Variants in MTCH1 observed in about 807,000 individuals in gnomAD.
MTCH1 encodes mitochondrial carrier 1, also known as mitochondrial carrier homolog 1.
MTCH1 carries 23 observed loss-of-function variants against 49.3 expected under a neutral mutation model. That is an observed-to-expected ratio of 0.47 (90% CI 0.34 to 0.66). The LOEUF is 0.66. MTCH1 is among the 30% of genes least tolerant of loss of function. The probability of loss-of-function intolerance (pLI) is 0.01; values close to 1 mark genes in which losing one functional copy is unlikely to be tolerated. For synonymous variants in MTCH1, 229 were observed against 215.2 expected (o/e 1.06, Z -0.56); for missense variants, 397 against 532.1 (o/e 0.75, Z 2.50).
At chr6:36,985,830 C>T in intron 1 of MTCH1, 23 bp downstream of exon 1, 1 of 1,550,680 alleles carries the variant, frequency 6.4e-7, no homozygotes, top group Non-Finnish European at 8.7e-7. Flanking sequence ...TCCCATCTCC[C>T]TACGGCGCCT....
chr6:36,978,625 G>A lies in MTCH1; in HGVS notation c.407-14C>T, dbSNP rs757973699. The A allele has an allele frequency of 1.9e-6, 3 of 1,611,946 alleles. No individual in the cohort carries two copies. Among genetic ancestry groups the A allele is most frequent in the Non-Finnish European group, 2.5e-6 (3 of 1,178,464 alleles). On this transcript the variant is annotated splice_polypyrimidine_tract_variant and intron_variant, in intron 2 of 11. Coordinates refer to ENST00000373627, the MANE Select transcript of MTCH1 (RefSeq NM_001271641.2). ...CGATGTACTTGGCTGTAAGAAAACAGAGGTGGCAGAGGAGTCACACCCAGT... is the reference window on the plus strand; with the variant it reads ...CGATGTACTTGGCTGTAAGAAAACAAAGGTGGCAGAGGAGTCACACCCAGT...
intron 3 of MTCH1, 47 bp downstream of exon 3, chr6:36,978,458 G>A (rs759348031): frequency 6.3e-7 from 1 of 1,577,938 alleles, no homozygotes; most frequent in Non-Finnish European, 8.7e-7. Flanking sequence ...GTGGCTGGGA[G>A]TATGAGGAAA....
chr6:36,985,145 C>G (rs1397436469), intron 1 of MTCH1, among the ~76,000 whole-genome samples: 1 of 151,106 alleles, frequency 6.6e-6, no homozygotes, highest in Non-Finnish European at 1.5e-5. Flanking sequence ...AAATCCAGAG[C>G]CCCCATCTCC....
chr6:36,981,018 G>GT (rs1764065542), intron 2 of MTCH1, among the ~76,000 whole-genome samples: 1 of 152,186 alleles, frequency 6.6e-6, no homozygotes, highest in South Asian at 2.1e-4. Flanking sequence ...GCCACAGCAG[G>GT]TAAGTGGCCC....
chr6:36,977,425 T>C lies in MTCH1; in HGVS notation c.650-175A>G, dbSNP rs1483106701. ...TACACCCCATGACCACAGCATGCCA[T>C]TTCTACTGCCTGGGAAGAGCCCCAC... On this transcript the variant is annotated intron_variant, in intron 5 of 11. Transcript: ENST00000373627. This position sits in a 1 kb window ranked among gnomAD's most constrained non-coding sequence, Gnocchi z 5.4. 6.6e-6 allele frequency among the ~76,000 whole-genome samples: 1 copy of C among 152,028 alleles called. No homozygotes were observed. Among genetic ancestry groups the C allele is most frequent in the Non-Finnish European group, 1.5e-5 (1 of 67,992 alleles).
At chr6:36,985,782 A>G (rs931840730) in intron 1 of MTCH1, 71 bp downstream of exon 1, 1 of 905,120 alleles carries the variant, frequency 1.1e-6, no homozygotes, top group African/African-American at 3.4e-5. Flanking sequence ...TGCCCGCCCC[A>G]ATCCTCCAAA....
In MTCH1 at chr6:36,968,924, T is replaced by C. The variant is rs1003308950; in HGVS notation, c.1149A>G (p.Gly383=). ...SSLLFRRVSS[G]SCFALE ...CAGGTTACTCCAGGGCAAAGCATGA[T>C]CCTGATGACACCCGGCGGAAAAGCA... The change falls in exon 12 of 12, where the codon GGA becomes GGG. Residue 383 remains glycine (G), a synonymous_variant. Coordinates refer to ENST00000373627, the MANE Select transcript of MTCH1 (RefSeq NM_001271641.2). 3 of 1,613,844 alleles carry C rather than the reference T, an allele frequency of 1.9e-6. No homozygotes were observed. The highest frequency in any genetic ancestry group is 1.3e-5 in the African/African-American group (1 of 74,842).
chr6:36,981,106 A>C (rs1177407652), intron 2 of MTCH1, among the ~76,000 whole-genome samples: 1 of 152,218 alleles, frequency 6.6e-6, no homozygotes, highest in African/African-American at 2.4e-5. Flanking sequence ...TGGAGACACC[A>C]GAGTGAGTGA....
At chr6:36,973,003 C>T (rs918949656) in intron 7 of MTCH1, among the ~76,000 whole-genome samples, 8 of 152,120 alleles carry the variant, frequency 5.3e-5, no homozygotes, top group South Asian at 2.1e-4. Context: ...TGTTCTATGC[C>T]GCTTTGGATG....
chr6:36,980,656 C>T (rs1764053425), intron 2 of MTCH1, among the ~76,000 whole-genome samples: 1 of 152,200 alleles, frequency 6.6e-6, no homozygotes, highest in African/African-American at 2.4e-5. Context: ...GGCCAAGCCC[C>T]AAGTTACTCA....
rs1246585916 is a variant in MTCH1, at chr6:36,982,211, C to T, written c.322-539G>A. On this transcript the variant is annotated intron_variant, in intron 1 of 11. Transcript: ENST00000373627. This position sits in a 1 kb window ranked among gnomAD's most constrained non-coding sequence, Gnocchi z 4.1. ...CCTCCATGTCTATTCCTCCCATTCC[C>T]AGGCTTAGCAAACTGTTACCTCAAA... 4.1e-5 allele frequency among the ~76,000 whole-genome samples: 6 copies of T among 146,038 alleles called. No homozygotes were observed. Among genetic ancestry groups the T allele is most frequent in the African/African-American group, 1.5e-4 (6 of 40,692 alleles).
rs1008970055 is a variant in MTCH1 at position 36,978,751 on chromosome 6, A to ACCTG, written c.407-144_407-141dup. The ACCTG allele has an allele frequency of 2.5e-5, 16 of 630,920 alleles. No individual in the cohort carries two copies. The African/African-American group carries it at 3.0e-4, about 12-fold the overall frequency. 39.1% of individuals were successfully genotyped at this position (630,920 alleles called of 1,614,324 possible). A position where few individuals can be genotyped will look rare whatever the true frequency, so the allele number is the denominator to read the frequency against. On this transcript the variant is annotated intron_variant, in intron 2 of 11. Transcript: ENST00000373627. The stretch of plus-strand genomic sequence containing the variant: ...GCACAGAAGGTAACATCTGTCCAGG[A>ACCTG]CCTGGAAGCAGTCAGGCCCTAACCC...
At position 36,968,822 on chromosome 6, in the gene MTCH1, AGTC is replaced by A. The variant is rs765140134; in HGVS notation, c.*78_*80del. On this transcript the variant is annotated 3_prime_UTR_variant, in exon 12 of 12. Transcript: ENST00000373627. ...GCACATCTGGTTGTTGTTGGGTTGGAGTCGTCTTGCAGGTGTCCCAAGGTGGTC... is the reference window on the plus strand; with the variant it reads ...GCACATCTGGTTGTTGTTGGGTTGGAGTCTTGCAGGTGTCCCAAGGTGGTC... 1.1e-5 allele frequency: 17 copies of A among 1,595,542 alleles called. No homozygotes were observed. Among genetic ancestry groups the A allele is most frequent in the Non-Finnish European group, 1.4e-5 (16 of 1,165,542 alleles).
chr6:36,979,122 C>T (rs1002778458), intron 2 of MTCH1, among the ~76,000 whole-genome samples: 3 of 152,080 alleles, frequency 2.0e-5, no homozygotes, highest in African/African-American at 7.2e-5. Flanking sequence ...AAGAACGCCC[C>T]CTGCACATGC....
rs953002016 is a variant in MTCH1, at chr6:36,977,706, G to A, written c.592-15C>T. ...TCGTAGGAGGTCTGGAAGAGAGCAT[G>A]GGGTGGGGACTCGCCACCCTCGGCC... On this transcript the variant is annotated splice_polypyrimidine_tract_variant and intron_variant, in intron 4 of 11. Transcript: ENST00000373627. The surrounding 1 kb of genome is among the most constrained non-coding windows in gnomAD (Gnocchi z 5.4). 4 of 1,602,762 alleles carry A rather than the reference G, an allele frequency of 2.5e-6. No individual in the cohort carries two copies. The highest frequency in any genetic ancestry group is 3.4e-6 in the Non-Finnish European group (4 of 1,174,724).
intron 2 of MTCH1, among the ~76,000 whole-genome samples, chr6:36,980,526 C>A (rs1764048130): frequency 6.6e-6 from 1 of 152,232 alleles, no homozygotes; most frequent in South Asian, 2.1e-4. Context: ...CATTTCCTCA[C>A]AAGATGACAC....
chr6:36,985,323 G>A (rs1764257683), intron 1 of MTCH1, among the ~76,000 whole-genome samples: 1 of 151,090 alleles, frequency 6.6e-6, no homozygotes, highest in South Asian at 2.1e-4. Context: ...CCCACCCCAA[G>A]ACGTTTTAAA....
At chr6:36,969,432 GC>G in intron 11 of MTCH1, 1 of 1,065,012 alleles carries the variant, frequency 9.4e-7, no homozygotes, top group South Asian at 3.0e-5. Context: ...GCAAATCAAG[GC>G]CAGGAAAAGG....
chr6:36,970,767 A>T (rs1583248443), intron 8 of MTCH1, 73 bp from the exon 9 acceptor site: 2 of 1,491,890 alleles, frequency 1.3e-6, no homozygotes, highest in Non-Finnish European at 1.8e-6. Flanking sequence ...ACATGCCCTC[A>T]CCCCACCCTC....
Sources: allele counts gnomAD v4.1 joint callset (sites outside exome capture counted in the v4.1 genomes callset), GRCh38; gene constraint gnomAD v4.1.1; non-coding constraint Gnocchi (gnomAD v3.1); transcripts MANE v1.5; gene names NCBI Gene and HGNC (gene_info 2026-07-23, HGNC 2026-07-21).